SPMIP2: variants seen among roughly 807,000 people sequenced by gnomAD.
SPMIP2 encodes protein SPMIP2.
the SPMIP2 span, among the ~76,000 whole-genome samples, chr4:158,936,115 C>G: frequency 6.6e-6 from 1 of 152,216 alleles, no homozygotes; most frequent in Non-Finnish European, 1.5e-5. Context: ...TGCCCAGAAA[C>G]AAACCTTATA....
At chr4:159,061,256 C>T in the SPMIP2 span, among the ~76,000 whole-genome samples, 5 of 152,004 alleles carry the variant, frequency 3.3e-5, no homozygotes, top group African/African-American at 1.2e-4. Context: ...TCACCTCACA[C>T]ACCTTCAACT....
the SPMIP2 span, among the ~76,000 whole-genome samples, chr4:159,019,296 C>A: frequency 4.4e-3 from 437 of 100,190 alleles, no homozygotes; most frequent in Middle Eastern, 5.9e-3. Context: ...GACTCCGTCT[C>A]AAAAAAAAAA....
the SPMIP2 span, among the ~76,000 whole-genome samples, chr4:158,999,263 TGTAGGCATTGATAGCAAA>T: frequency 2.6e-5 from 4 of 152,120 alleles, no homozygotes; most frequent in African/African-American, 9.6e-5. Flanking sequence ...CCACTTTAAA[TGTAGGCATTGATAGCAAA>T]GAGTATCACA....
chr4:159,078,975 G>T, the SPMIP2 span, among the ~76,000 whole-genome samples: 2 of 152,008 alleles, frequency 1.3e-5, no homozygotes, highest in Non-Finnish European at 2.9e-5. Flanking sequence ...GAAATTAGCT[G>T]GGTGTGGTGG....
chr4:159,012,580 AT>A, the SPMIP2 span, among the ~76,000 whole-genome samples: 147,520 of 149,400 alleles, frequency 0.99, 72,846 homozygotes, highest in East Asian at 1. Flanking sequence ...TGTTGAAATA[AT>A]TTTTTTTTTT....
the SPMIP2 span, among the ~76,000 whole-genome samples, chr4:159,009,773 C>T: frequency 6.6e-6 from 1 of 152,034 alleles, no homozygotes. Context: ...GGGTTTGAGA[C>T]TAGCCTGGAC....
chr4:159,070,046 CT>C, the SPMIP2 span, among the ~76,000 whole-genome samples: 387 of 144,458 alleles, frequency 2.7e-3, no homozygotes, highest in Middle Eastern at 7.1e-3. Flanking sequence ...AGGTGGTACA[CT>C]TTTTTTTTTT....
the SPMIP2 span, among the ~76,000 whole-genome samples, chr4:158,961,079 G>A: frequency 1.2e-4 from 18 of 152,044 alleles, no homozygotes; most frequent in Admixed American, 5.2e-4. Context: ...TTCTATACTA[G>A]GATTGAGAAG....
the SPMIP2 span, among the ~76,000 whole-genome samples, chr4:158,910,098 CT>C: frequency 1.3e-5 from 2 of 151,906 alleles, no homozygotes; most frequent in Non-Finnish European, 2.9e-5. Context: ...CCAGGCTGGT[CT>C]TGAACTCTGG....
chr4:158,980,940 T>C, the SPMIP2 span, among the ~76,000 whole-genome samples: 1 of 152,096 alleles, frequency 6.6e-6, no homozygotes, highest in Non-Finnish European at 1.5e-5. Flanking sequence ...TCTAACAGAA[T>C]GCAAGGAAGA....
the SPMIP2 span, among the ~76,000 whole-genome samples, chr4:158,958,689 A>G: frequency 1.3e-5 from 2 of 152,214 alleles, no homozygotes; most frequent in South Asian, 4.1e-4. Flanking sequence ...AGGCCACCTT[A>G]GAGAATGCAA....
chr4:158,900,935 G>T, the SPMIP2 span, among the ~76,000 whole-genome samples: 2 of 152,068 alleles, frequency 1.3e-5, no homozygotes, highest in Admixed American at 6.5e-5. Flanking sequence ...AGTGTTGATG[G>T]TCTTTACAAT....
the SPMIP2 span, among the ~76,000 whole-genome samples, chr4:158,942,702 G>A: frequency 1.3e-5 from 2 of 152,238 alleles, no homozygotes; most frequent in African/African-American, 2.4e-5. Flanking sequence ...ACTTGAACCC[G>A]GGAGGTGGAG....
At chr4:158,990,663 C>G in the SPMIP2 span, among the ~76,000 whole-genome samples, 1 of 152,130 alleles carries the variant, frequency 6.6e-6, no homozygotes, top group African/African-American at 2.4e-5. Flanking sequence ...CATGTTCTCA[C>G]TCATAAGTGG....
the SPMIP2 span, among the ~76,000 whole-genome samples, chr4:158,930,042 G>A: frequency 6.6e-6 from 1 of 152,172 alleles, no homozygotes; most frequent in Admixed American, 6.5e-5. Flanking sequence ...AGGCATAAAA[G>A]CATAGTATTC....
the SPMIP2 span, among the ~76,000 whole-genome samples, chr4:158,982,208 C>T: frequency 6.6e-6 from 1 of 152,110 alleles, no homozygotes; most frequent in Non-Finnish European, 1.5e-5. Context: ...TACAGGAGCA[C>T]CCAGATTCAT....
chr4:158,971,975 G>A, the SPMIP2 span, among the ~76,000 whole-genome samples: 1 of 152,202 alleles, frequency 6.6e-6, no homozygotes, highest in African/African-American at 2.4e-5. Flanking sequence ...GAACTGATTT[G>A]CCCAAGGTCA....
the SPMIP2 span, among the ~76,000 whole-genome samples, chr4:158,961,753 C>T: frequency 1.3e-5 from 2 of 152,122 alleles, no homozygotes; most frequent in Non-Finnish European, 2.9e-5. Flanking sequence ...AGATATCAGT[C>T]CCTATAAACA....
At chr4:158,998,799 A>C in the SPMIP2 span, among the ~76,000 whole-genome samples, 1 of 152,178 alleles carries the variant, frequency 6.6e-6, no homozygotes, top group Non-Finnish European at 1.5e-5. Context: ...TGTAATCCAC[A>C]GAGCACAACC....
Sources: gnomAD v4.1 joint callset for allele counts (sites outside exome capture counted in the v4.1 genomes callset) on GRCh38, gnomAD v4.1.1 for gene constraint, MANE v1.5 for transcripts, NCBI Gene and HGNC (gene_info 2026-07-23, HGNC 2026-07-21) for gene names.